The following STON1 variants were observed in gnomAD, a reference collection of about 807,000 sequenced individuals.
The protein encoded by STON1 is stonin 1, also known as stonin-1.
STON1 carries 79 observed loss-of-function variants against 60.9 expected under a neutral mutation model. The ratio of observed to expected loss-of-function variants is 1.30; its 90% CI spans 1.08 to 1.56. The LOEUF is 1.56. Ranked by LOEUF, STON1 falls within the 40% of genes most tolerant of loss-of-function variation. The pLI is 0.00. For missense variants in STON1, 1,166 were observed against 858.9 expected, an observed-to-expected ratio of 1.36 and a Z score of -4.47; for synonymous variants, 363 against 306.9, an observed-to-expected ratio of 1.18 and a Z score of -1.91.
chr2:48,580,266 A>G (rs55641971), intron 1 of STON1, among the ~76,000 whole-genome samples: 49,493 of 151,996 alleles, frequency 0.33, 8,197 homozygotes, highest in East Asian at 0.42. Flanking sequence ...TTTTATCATT[A>G]TATTATGTCC....
intron 3 of STON1, among the ~76,000 whole-genome samples, 175 bp from the exon 4 acceptor site, chr2:48,595,053 A>G (rs1195978553): frequency 6.6e-6 from 1 of 152,174 alleles, no homozygotes; most frequent in African/African-American, 2.4e-5. Flanking sequence ...TCTGTTGTTC[A>G]AAAGGAGAGC....
rs200183987 is a variant in STON1, at chr2:48,581,406, A to G, written c.773A>G (p.Asn258Ser). 19 of 1,610,352 alleles carry G rather than the reference A, an allele frequency of 1.2e-5. No homozygotes were observed. In the East Asian group the frequency reaches 4.2e-4, roughly 36 times the overall value. The change falls in exon 2 of 4, where the codon AAT becomes AGT. Residue 258 changes from asparagine (N) to serine (S), a missense_variant. Transcript: ENST00000404752. ...ATGCACTGTCTATGTGCTGAAGAAA[A>G]TGCCTCTTCCTTTGTCCCCCACACA... ...LSMHCLCAEENASSFVPHTLF... is the reference protein window; with the variant it reads ...LSMHCLCAEESASSFVPHTLF...
chr2:48,572,400 G>T (rs1354672687), intron 1 of STON1, among the ~76,000 whole-genome samples: 6 of 152,178 alleles, frequency 3.9e-5, no homozygotes. Flanking sequence ...AAGAGTCCTG[G>T]ACGGGGGTGA....
At chr2:48,547,940 G>A (rs1671930538) in intron 1 of STON1, among the ~76,000 whole-genome samples, 1 of 152,220 alleles carries the variant, frequency 6.6e-6, no homozygotes, top group Non-Finnish European at 1.5e-5. Context: ...TGGGCTAGAT[G>A]CGTTTTAAAG....
intron 1 of STON1, among the ~76,000 whole-genome samples, chr2:48,580,082 T>C (rs1247183097): frequency 6.6e-6 from 1 of 152,036 alleles, no homozygotes; most frequent in Non-Finnish European, 1.5e-5. Context: ...AATTTTTGTA[T>C]TTTTTTGTAG....
chr2:48,575,833 A>C (rs1384243100), intron 1 of STON1, among the ~76,000 whole-genome samples: 1 of 139,550 alleles, frequency 7.2e-6, no homozygotes, highest in Non-Finnish European at 1.5e-5. Flanking sequence ...ATACCCATTC[A>C]CTGCAACATC....
chr2:48,550,183 A>G (rs1672039125), intron 1 of STON1, among the ~76,000 whole-genome samples: 2 of 152,170 alleles, frequency 1.3e-5, no homozygotes, highest in African/African-American at 4.8e-5. Flanking sequence ...ACAAGTACTC[A>G]GTGAATATAA....
chr2:48,590,290 T>G (rs1384499909), intron 2 of STON1, among the ~76,000 whole-genome samples: 1 of 152,204 alleles, frequency 6.6e-6, no homozygotes, highest in African/African-American at 2.4e-5. Context: ...GTTAACTGAT[T>G]GATGATTTCT....
chr2:48,592,150 T>A (rs1413063821), intron 3 of STON1, among the ~76,000 whole-genome samples: 4 of 152,186 alleles, frequency 2.6e-5, no homozygotes. Flanking sequence ...TAGGACACCA[T>A]TTCTCAAAAT....
rs114899417 is a variant in STON1 at position 48,566,686 on chromosome 2, G to T, written c.-47-13901G>T. On this transcript the variant is annotated intron_variant, in intron 1 of 3. Transcript: ENST00000404752. ...GTTGGTCCATGTGAAATCCATCTGG[G>T]TTTGCAAACTGGCATTTATCAAAGT... 4.2e-3 allele frequency among the ~76,000 whole-genome samples: 638 copies of T among 152,290 alleles called. 8 individuals are homozygous for T. The highest frequency in any genetic ancestry group is 0.015 in the African/African-American group (621 of 41,552).
chr2:48,587,622 C>G lies in STON1; in HGVS notation c.1931-4031C>G, dbSNP rs550677163. Among the ~76,000 whole-genome samples, 193 of 152,260 alleles carry G rather than the reference C, an allele frequency of 1.3e-3. 8 individuals are homozygous for G. Among genetic ancestry groups the G allele is most frequent in the South Asian group, 4.1e-4 (2 of 4,824 alleles). ...GAGTATTTATTAGCAGTGGAGCTCA[C>G]CAAGAACAATGACAAGAATGGACAT... On this transcript the variant is annotated intron_variant, in intron 2 of 3. Transcript: ENST00000404752.
At chr2:48,561,654 C>G (rs1447268164) in intron 1 of STON1, among the ~76,000 whole-genome samples, 1 of 152,168 alleles carries the variant, frequency 6.6e-6, no homozygotes, top group Admixed American at 6.5e-5. Flanking sequence ...TTACTAGACG[C>G]TAGTAGCATT....
intron 1 of STON1, among the ~76,000 whole-genome samples, chr2:48,563,358 C>T (rs1486140309): frequency 6.6e-6 from 1 of 152,210 alleles, no homozygotes; most frequent in African/African-American, 2.4e-5. Context: ...TCATTCCAGT[C>T]ATGGTCTGTG....
At chr2:48,535,136 A>G (rs1295293139) in intron 1 of STON1, among the ~76,000 whole-genome samples, 1 of 152,144 alleles carries the variant, frequency 6.6e-6, no homozygotes, top group African/African-American at 2.4e-5. Flanking sequence ...AGAGTGTGAT[A>G]GGTAGAAAGA....
chr2:48,595,970 G>A lies in STON1; in HGVS notation c.*668G>A, dbSNP rs1674768204. Reference sequence around the variant, plus strand: ...GTGCTGCAAAGAAGCTATTTCTGTTGTCCTACATATTTTAGTATAAATCAC... The same window carrying A: ...GTGCTGCAAAGAAGCTATTTCTGTTATCCTACATATTTTAGTATAAATCAC... On this transcript the variant is annotated 3_prime_UTR_variant, in exon 4 of 4. Coordinates refer to ENST00000404752, the MANE Select transcript of STON1 (RefSeq NM_006873.4). 1 of 152,072 alleles carries A rather than the reference G, an allele frequency of 6.6e-6. No homozygotes were observed. The highest frequency in any genetic ancestry group is 1.5e-5 in the Non-Finnish European group (1 of 68,020). The allele number at this position is 152,072 out of a possible 1,614,324, so 9.4% of individuals were successfully genotyped here.
chr2:48,563,828 G>A (rs1672712100), intron 1 of STON1, among the ~76,000 whole-genome samples: 1 of 151,954 alleles, frequency 6.6e-6, no homozygotes, highest in Admixed American at 6.6e-5. Context: ...TAAGTAGCTG[G>A]GACTACAGCC....
intron 1 of STON1, among the ~76,000 whole-genome samples, chr2:48,564,417 T>TTCTTCC (rs1230455524): frequency 9.7e-4 from 39 of 40,354 alleles, no homozygotes; most frequent in African/African-American, 1.4e-3. Flanking sequence ...CTTCTTCTTC[T>TTCTTCC]TCTTCTTCTT....
At chr2:48,540,473 C>T (rs1222685182) in intron 1 of STON1, among the ~76,000 whole-genome samples, 3 of 152,150 alleles carry the variant, frequency 2.0e-5, no homozygotes, top group African/African-American at 7.2e-5. Flanking sequence ...CCAGGAGGAC[C>T]GGGTTGATGG....
chr2:48,590,203 T>C (rs914273385), intron 2 of STON1, among the ~76,000 whole-genome samples: 9 of 152,144 alleles, frequency 5.9e-5, no homozygotes, highest in South Asian at 4.1e-4. Flanking sequence ...AGTGATCAGG[T>C]TGTTAAGAGC....
Sources: gnomAD v4.1 joint callset for allele counts (sites outside exome capture counted in the v4.1 genomes callset) on GRCh38, gnomAD v4.1.1 for gene constraint, MANE v1.5 for transcripts, NCBI Gene and HGNC (gene_info 2026-07-23, HGNC 2026-07-21) for gene names.